The following MECOM variants were observed in gnomAD, a reference collection of about 807,000 sequenced individuals.
The protein encoded by MECOM is MDS1 and EVI1 complex locus.
Under a neutral mutation model 116.3 loss-of-function variants are expected in MECOM, and 13 were observed. The observed-to-expected ratio is 0.11, with a 90% CI of 0.07 to 0.18. The LOEUF is 0.18. Ranked by LOEUF, MECOM falls within the 10% of genes least tolerant of loss-of-function variation. The probability of loss-of-function intolerance (pLI) is 1.00; values close to 1 mark genes in which losing one functional copy is unlikely to be tolerated. For missense variants in MECOM, 1,299 were observed against 1,509.0 expected (o/e 0.86, Z 2.31); for synonymous variants, 528 against 535.2 (o/e 0.99, Z 0.19).
intron 1 of MECOM, among the ~76,000 whole-genome samples, chr3:169,441,236 A>C (rs778059680): frequency 6.6e-6 from 1 of 152,176 alleles, no homozygotes; most frequent in Non-Finnish European, 1.5e-5. Context: ...CAGAACCTTC[A>C]TCTCTAAAGC....
intron 1 of MECOM, among the ~76,000 whole-genome samples, chr3:169,607,761 C>A (rs557048266): frequency 6.6e-6 from 1 of 152,202 alleles, no homozygotes; most frequent in Non-Finnish European, 1.5e-5. Context: ...CACCTGAATG[C>A]GTCTATGTCA....
intron 1 of MECOM, among the ~76,000 whole-genome samples, chr3:169,406,145 T>A (rs1487873495): frequency 6.6e-6 from 1 of 152,204 alleles, no homozygotes; most frequent in East Asian, 1.9e-4. Flanking sequence ...AACCATAACA[T>A]TTTGAAATAG....
Position 169,559,033 on chromosome 3 carries a change from TAC to T in MECOM, c.37+104301_37+104302del, listed in dbSNP as rs201718160. 7.9e-3 allele frequency among the ~76,000 whole-genome samples: 1,060 copies of T among 134,246 alleles called. 4 individuals carry two copies. The highest frequency in any genetic ancestry group is 0.015 in the Middle Eastern group (4 of 270). The allele number at this position is 134,246 out of a possible 152,430, so 88.1% of individuals were successfully genotyped here. On this transcript the variant is annotated intron_variant, in intron 1 of 16. Transcript: ENST00000651503. ...AAAGCATCTACACACACACACACTA[TAC>T]ACACACACGCGCACACACACACACA...
intron 1 of MECOM, among the ~76,000 whole-genome samples, chr3:169,551,534 T>A (rs1352588818): frequency 6.6e-6 from 1 of 152,228 alleles, no homozygotes; most frequent in Non-Finnish European, 1.5e-5. Context: ...TCTAGGAATA[T>A]TGGAATCAAA....
intron 3 of MECOM, chr3:169,133,592 A>G (rs1735438078): frequency 5.4e-6 from 1 of 185,010 alleles, no homozygotes. Context: ...ATAACCTAAG[A>G]TTCTTTGTAT....
At chr3:169,649,570 T>C (rs565324720) in intron 1 of MECOM, among the ~76,000 whole-genome samples, 52 of 152,288 alleles carry the variant, frequency 3.4e-4, no homozygotes, top group African/African-American at 1.2e-3. Flanking sequence ...CAAATGTCGG[T>C]GTTCAATATT....
intron 1 of MECOM, among the ~76,000 whole-genome samples, chr3:169,452,893 T>C (rs1323218730): frequency 6.6e-6 from 1 of 152,214 alleles, no homozygotes; most frequent in Non-Finnish European, 1.5e-5. Flanking sequence ...GAAAAAGCAA[T>C]GGCAGCTACA....
intron 1 of MECOM, among the ~76,000 whole-genome samples, chr3:169,603,663 A>T (rs1768115666): frequency 6.6e-6 from 1 of 152,160 alleles, no homozygotes; most frequent in Non-Finnish European, 1.5e-5. Context: ...ATGTTATGCA[A>T]TTGCCTATGG....
intron 1 of MECOM, among the ~76,000 whole-genome samples, chr3:169,455,114 GA>G (rs560502445): frequency 2.1e-4 from 32 of 151,970 alleles, no homozygotes; most frequent in Non-Finnish European, 4.4e-4. Flanking sequence ...GAAGGATGGG[GA>G]AAAAAAGAAT....
At chr3:169,441,669 A>G (rs987834948) in intron 1 of MECOM, among the ~76,000 whole-genome samples, 2 of 151,898 alleles carry the variant, frequency 1.3e-5, no homozygotes, top group Admixed American at 6.6e-5. Context: ...TTTTTGGCAG[A>G]TGGGAATATC....
intron 1 of MECOM, among the ~76,000 whole-genome samples, chr3:169,551,460 G>A (rs538075379): frequency 1.5e-4 from 23 of 152,008 alleles, no homozygotes; most frequent in Non-Finnish European, 2.9e-4. Context: ...CTTGGTTTAC[G>A]CAGTGCCCAT....
intron 2 of MECOM, among the ~76,000 whole-genome samples, chr3:169,260,098 TC>T (rs1560056734): frequency 2.0e-5 from 3 of 152,232 alleles, no homozygotes; most frequent in Admixed American, 6.5e-5. Flanking sequence ...TGTTCATTAA[TC>T]TCTAATTTTA....
intron 1 of MECOM, among the ~76,000 whole-genome samples, chr3:169,645,299 ATT>A (rs11336994): frequency 2.3e-4 from 35 of 151,130 alleles, no homozygotes; most frequent in African/African-American, 7.3e-4. Flanking sequence ...AGACAGATGT[ATT>A]TTTTTTTTCT....
intron 4 of MECOM, among the ~76,000 whole-genome samples, chr3:169,128,827 A>G (rs1418849752): frequency 6.6e-6 from 1 of 152,202 alleles, no homozygotes; most frequent in Non-Finnish European, 1.5e-5. Context: ...TATAGAGATA[A>G]CAAGGTTATA....
intron 2 of MECOM, among the ~76,000 whole-genome samples, chr3:169,213,065 CTCTT>C (rs1011391616): frequency 7.6e-5 from 11 of 143,800 alleles, no homozygotes; most frequent in Non-Finnish European, 1.7e-4. Flanking sequence ...GTTACTTCCT[CTCTT>C]TCTTTTTTAT....
intron 2 of MECOM, among the ~76,000 whole-genome samples, chr3:169,353,842 C>G (rs1438983202): frequency 6.6e-6 from 1 of 151,788 alleles, no homozygotes; most frequent in Non-Finnish European, 1.5e-5. Flanking sequence ...CACAACATAA[C>G]TATAAATTTC....
chr3:169,420,895 T>C (rs906319472), intron 1 of MECOM, among the ~76,000 whole-genome samples: 6 of 152,106 alleles, frequency 3.9e-5, no homozygotes, highest in Non-Finnish European at 7.4e-5. Flanking sequence ...TAAAATAAAG[T>C]GTATTTCATC....
chr3:169,552,581 A>G (rs1761541753), intron 1 of MECOM, among the ~76,000 whole-genome samples: 1 of 152,154 alleles, frequency 6.6e-6, no homozygotes, highest in Admixed American at 6.5e-5. Context: ...AGCTTACCAC[A>G]GTCACACAGC....
chr3:169,587,835 A>G (rs1245347153), intron 1 of MECOM, among the ~76,000 whole-genome samples: 1 of 152,040 alleles, frequency 6.6e-6, no homozygotes, highest in African/African-American at 2.4e-5. Flanking sequence ...GCACTTTTCT[A>G]TTTGTTTACA....
Sources: allele counts gnomAD v4.1 joint callset (sites outside exome capture counted in the v4.1 genomes callset), GRCh38; gene constraint gnomAD v4.1.1; transcripts MANE v1.5; gene names NCBI Gene and HGNC (gene_info 2026-07-23, HGNC 2026-07-21).